The following GET4 variants were observed in gnomAD, a reference collection of about 807,000 sequenced individuals.
GET4 encodes the protein guided entry of tail-anchored proteins factor 4, also known as Golgi to ER traffic protein 4 homolog.
GET4 carries 20 observed loss-of-function variants against 40.0 expected under a neutral mutation model. That is an observed-to-expected ratio of 0.50 (90% CI 0.35 to 0.73). The LOEUF (loss-of-function observed/expected upper bound fraction) is 0.73. GET4 is among the 30% of genes least tolerant of loss of function. GET4 has a pLI of 0.01. For synonymous variants in GET4, 280 were observed against 194.6 expected, an observed-to-expected ratio of 1.44 and a Z score of -3.65; for missense variants, 557 against 454.0, an observed-to-expected ratio of 1.23 and a Z score of -2.06.
At chr7:890,685 G>T (rs1362255051) in intron 4 of GET4, among the ~76,000 whole-genome samples, 1 of 152,126 alleles carries the variant, frequency 6.6e-6, no homozygotes, top group Non-Finnish European at 1.5e-5. Context: ...AGCTCCAAGA[G>T]CTTGGAGAAT....
intron 3 of GET4, 108 bp from the exon 4 acceptor site, chr7:887,262 C>T (rs1318270052): frequency 1.8e-6 from 2 of 1,138,294 alleles, no homozygotes; most frequent in Admixed American, 1.7e-5. Flanking sequence ...CAGCAGGTTC[C>T]TCTCCCTGTT....
chr7:888,852 G>A (rs1221258779), intron 4 of GET4, among the ~76,000 whole-genome samples: 1 of 152,252 alleles, frequency 6.6e-6, no homozygotes, highest in Non-Finnish European at 1.5e-5. Flanking sequence ...CCACTGCCAG[G>A]TTAGGGAGGC....
chr7:883,530 C>T (rs1585491513), intron 1 of GET4: 4 of 985,356 alleles, frequency 4.1e-6, no homozygotes, highest in South Asian at 4.7e-5. Flanking sequence ...ACACTTTGCT[C>T]TGTGGATACA....
chr7:894,180 C>T lies in GET4; in HGVS notation c.895+209C>T, dbSNP rs372301139. Among the ~76,000 whole-genome samples, 14 of 151,562 alleles carry T rather than the reference C, an allele frequency of 9.2e-5. No individual in the cohort carries two copies. In the East Asian group the frequency reaches 1.3e-3, roughly 15 times the overall value. The stretch of plus-strand genomic sequence containing the variant: ...GTGGCTCGCAGCCCCGTCTCCACTC[C>T]AGAGCTCCCCATCCCTGAGGTGTCT... On this transcript the variant is annotated intron_variant, in intron 8 of 8. Coordinates refer to ENST00000265857, the MANE Select transcript of GET4 (RefSeq NM_015949.3).
rs747193077 is a variant in GET4, at chr7:887,562, C to T, written c.466+43C>T. On this transcript the variant is annotated intron_variant, in intron 4 of 8. Transcript: ENST00000265857. ...GCAGGCGTGGGCACCTCTCTGCTCTCGGCGTTGATTTGCACTGTGCGTTCC... is the reference window on the plus strand; with the variant it reads ...GCAGGCGTGGGCACCTCTCTGCTCTTGGCGTTGATTTGCACTGTGCGTTCC... 35 of 1,446,264 alleles carry T rather than the reference C, an allele frequency of 2.4e-5. No homozygotes were observed. In the African/African-American group the frequency reaches 3.0e-4, roughly 12 times the overall value. 89.6% of individuals were successfully genotyped at this position (1,446,264 alleles called of 1,614,324 possible).
In GET4 at chr7:895,614, A is replaced by C; in HGVS notation, c.*192A>C. ...GCTGCTCACTGTGCTGCTGGGACCC[A>C]AGAGTGGGGCGTCGCCCCTGCTGGC... is the stretch of plus-strand genomic sequence containing the variant. On this transcript the variant is annotated 3_prime_UTR_variant, in exon 9 of 9. Transcript: ENST00000265857. 2 of 444,162 alleles carry C rather than the reference A, an allele frequency of 4.5e-6. No individual in the cohort carries two copies. The highest frequency in any genetic ancestry group is 8.1e-6 in the Non-Finnish European group (2 of 247,620). The allele number at this position is 444,162 out of a possible 1,614,324, so 27.5% of individuals were successfully genotyped here.
chr7:886,266 C>A, intron 2 of GET4, 132 bp downstream of exon 2: 1 of 647,996 alleles, frequency 1.5e-6, no homozygotes. Flanking sequence ...CTGTGGGTGG[C>A]AGAGGGGCCC....
chr7:893,624 G>C (rs1023283769), intron 6 of GET4, 116 bp from the exon 7 acceptor site: 2 of 656,426 alleles, frequency 3.0e-6, no homozygotes, highest in Middle Eastern at 7.8e-4. Context: ...GGTGAGTGTT[G>C]GGCGCGGGCG....
chr7:887,295 A>C (rs1183933288), intron 3 of GET4, 75 bp from the exon 4 acceptor site: 1 of 1,439,574 alleles, frequency 6.9e-7, no homozygotes, highest in Admixed American at 1.7e-5. Context: ...ATGGAAATCC[A>C]CTTCTGTGGG....
intron 1 of GET4, chr7:878,365 C>A (rs775848997): frequency 2.1e-6 from 1 of 471,096 alleles, no homozygotes; most frequent in Non-Finnish European, 4.4e-6. Flanking sequence ...ATCAGATTAT[C>A]TCTTATGGTT....
chr7:895,294 G>C (rs761087671), intron 8 of GET4, 40 bp from the exon 9 acceptor site: 1 of 1,006,230 alleles, frequency 9.9e-7, no homozygotes, highest in African/African-American at 1.6e-5. Context: ...GCCTGTGGGA[G>C]GCTGCCCAGG....
chr7:877,384 A>G (rs1472505112), intron 1 of GET4, among the ~76,000 whole-genome samples: 1 of 66,702 alleles, frequency 1.5e-5, no homozygotes, highest in African/African-American at 6.3e-5. Context: ...TCTTTCTTCC[A>G]GCCTCCCCCT....
chr7:876,931 C>T (rs996114424), intron 1 of GET4, 131 bp downstream of exon 1: 8 of 325,554 alleles, frequency 2.5e-5, no homozygotes, highest in African/African-American at 4.5e-5. Context: ...ACCCAGGGGC[C>T]GCGGGTCGCC....
chr7:894,644 C>T (rs1844430888), intron 8 of GET4, among the ~76,000 whole-genome samples: 1 of 152,206 alleles, frequency 6.6e-6, no homozygotes, highest in Non-Finnish European at 1.5e-5. Flanking sequence ...TCTGACTCTC[C>T]AGTCGAAACC....
intron 5 of GET4, among the ~76,000 whole-genome samples, 169 bp from the exon 6 acceptor site, chr7:892,109 G>A (rs563511243): frequency 6.6e-6 from 1 of 152,262 alleles, no homozygotes; most frequent in Non-Finnish European, 1.5e-5. Context: ...TCCCTGGTGT[G>A]CCCTGCACAT....
In GET4 at chr7:895,258, C is replaced by A. The variant is rs553701626; in HGVS notation, c.896-76C>A. The A allele has an allele frequency of 4.2e-6, 3 of 709,498 alleles. No individual in the cohort carries two copies. In the East Asian group the frequency reaches 8.0e-5, roughly 19 times the overall value. The allele number at this position is 709,498 out of a possible 1,614,324, so 44.0% of individuals were successfully genotyped here. A position where few individuals can be genotyped will look rare whatever the true frequency, so the allele number is the denominator to read the frequency against. On this transcript the variant is annotated intron_variant, in intron 8 of 8. Transcript: ENST00000265857. ...TGGGACACTGGGACACCTTGTGAGA[C>A]GTTTGTGGGAAGGAGGGGCTTGGGG...
rs186136603 is a variant in GET4, at chr7:890,915, C to A, written c.467-13C>A. The A allele has an allele frequency of 2.5e-6, 4 of 1,585,290 alleles. No individual in the cohort carries two copies. Among genetic ancestry groups the A allele is most frequent in the African/African-American group, 1.3e-5 (1 of 74,336 alleles). On this transcript the variant is annotated splice_polypyrimidine_tract_variant and intron_variant, in intron 4 of 8. Transcript: ENST00000265857. ...GTGAAATGTATTTACATTTTTCTGT[C>A]TTTCCTTTGCAGAACAAAACTATTG...
At chr7:892,134 G>A (rs767517882) in intron 5 of GET4, 144 bp from the exon 6 acceptor site, 9 of 719,842 alleles carry the variant, frequency 1.3e-5, no homozygotes, top group Non-Finnish European at 2.1e-5. Flanking sequence ...GAAGACACGC[G>A]TGAAGCACTG....
At chr7:886,500 C>G in intron 2 of GET4, 69 bp from the exon 3 acceptor site, 1 of 1,173,310 alleles carries the variant, frequency 8.5e-7, no homozygotes, top group Non-Finnish European at 1.3e-6. Context: ...GGAAACCCAG[C>G]CTTGTCTTTG....
Sources: allele counts gnomAD v4.1 joint callset (sites outside exome capture counted in the v4.1 genomes callset), GRCh38; gene constraint gnomAD v4.1.1; transcripts MANE v1.5; gene names NCBI Gene and HGNC (gene_info 2026-07-23, HGNC 2026-07-21).